FSCN3: variants seen among roughly 807,000 people sequenced by gnomAD.
FSCN3 encodes the protein fascin actin-bundling protein 3, also known as fascin-3.
In FSCN3, 43 loss-of-function variants were observed where a neutral mutation model predicts 53.5. That is an observed-to-expected ratio of 0.80 (90% CI 0.63 to 1.04). The LOEUF is 1.04. Among genes scored for constraint, FSCN3 ranks in the 50% least tolerant of loss-of-function variants. FSCN3 has a pLI of 0.00. For missense variants in FSCN3, 594 were observed against 646.5 expected (o/e 0.92, Z 0.88); for synonymous variants, 235 against 246.6 (o/e 0.95, Z 0.44).
At chr7:127,595,099 G>T in intron 1 of FSCN3, 1 of 602,216 alleles carries the variant, frequency 1.7e-6, no homozygotes, top group Non-Finnish European at 2.9e-6. Flanking sequence ...CTGGCTGCAG[G>T]GGTGGAAGGG....
chr7:127,594,092 G>GTC, intron 1 of FSCN3, 95 bp downstream of exon 1: 4 of 1,383,074 alleles, frequency 2.9e-6, no homozygotes, highest in Non-Finnish European at 4.0e-6. Context: ...GAGTGTATGT[G>GTC]TGTGTGTGTG....
chr7:127,599,328 G>T (rs1294280380), intron 4 of FSCN3, 53 bp from the exon 5 acceptor site: 4 of 1,461,834 alleles, frequency 2.7e-6, no homozygotes, highest in South Asian at 1.2e-5. Context: ...GCTTCCACTT[G>T]GGAAAACACC....
At chr7:127,594,470 A>G (rs965207010) in intron 1 of FSCN3, 1 of 470,810 alleles carries the variant, frequency 2.1e-6, no homozygotes, top group Non-Finnish European at 4.4e-6. Context: ...GTCCTGCTCT[A>G]ACTGTCCCTA....
intron 3 of FSCN3, among the ~76,000 whole-genome samples, chr7:127,597,259 G>A (rs1248494599): frequency 6.6e-6 from 1 of 152,114 alleles, no homozygotes; most frequent in Non-Finnish European, 1.5e-5. Context: ...TTACTAGGTT[G>A]TATAATAGAT....
intron 1 of FSCN3, chr7:127,594,353 C>G: frequency 2.4e-6 from 1 of 421,350 alleles, no homozygotes; most frequent in Non-Finnish European, 4.8e-6. Flanking sequence ...CAGTGCCAGG[C>G]CTGAGACTTT....
At chr7:127,595,064 A>G in intron 1 of FSCN3, 1 of 589,240 alleles carries the variant, frequency 1.7e-6, no homozygotes. Context: ...GTAGACATCT[A>G]GAACTTCTCT....
intron 1 of FSCN3, chr7:127,595,036 T>C (rs1455810789): frequency 5.3e-6 from 3 of 565,386 alleles, no homozygotes; most frequent in Middle Eastern, 4.7e-4. Flanking sequence ...AGGGTTTACC[T>C]TCTGTTAGCT....
At position 127,593,832 on chromosome 7, in the gene FSCN3, CAT is replaced by C. The variant is rs756872931; in HGVS notation, c.-21_-20del. The C allele has an allele frequency of 1.9e-6, 3 of 1,556,708 alleles. No homozygotes were observed. The highest frequency in any genetic ancestry group is 2.6e-6 in the Non-Finnish European group (3 of 1,149,812). On this transcript the variant is annotated 5_prime_UTR_variant, in exon 1 of 7. Coordinates refer to ENST00000265825, the MANE Select transcript of FSCN3 (RefSeq NM_020369.3). The stretch of plus-strand genomic sequence containing the variant: ...GGGGGAGGGCTGGGCCAGACGGAGA[CAT>C]CACCTGTGGTGTCAGCCCCATGGAT...
chr7:127,600,119 A>G (rs1423119496), intron 5 of FSCN3, 75 bp from the exon 6 acceptor site: 62 of 812,818 alleles, frequency 7.6e-5, no homozygotes, highest in South Asian at 6.4e-4. Flanking sequence ...ATGCCTCCAC[A>G]GAGTCCCTCC....
At position 127,600,206 on chromosome 7, in the gene FSCN3, C is replaced by G. The variant is rs944960943; in HGVS notation, c.1304C>G (p.Ser435Cys). 5.0e-6 allele frequency: 8 copies of G among 1,595,784 alleles called. No individual in the cohort carries two copies. The highest frequency in any genetic ancestry group is 1.1e-5 in the South Asian group (1 of 90,712). ...GIYHFQAQGG[S>C]FWSITSFGTF... is the part of the protein sequence containing the mutation. Reference sequence around the variant, plus strand: ...CTTCCTTCTCCAGCACAGGGGGGATCCTTCTGGTCAATAACATCCTTTGGC... The same window carrying G: ...CTTCCTTCTCCAGCACAGGGGGGATGCTTCTGGTCAATAACATCCTTTGGC... The change falls in exon 6 of 7, where the codon TCC becomes TGC. Residue 435 changes from serine to cysteine, a missense_variant. Ser to Cys is a moderately radical substitution (Grantham distance 112). Transcript: ENST00000265825.
At chr7:127,597,298 G>C (rs1246673264) in intron 3 of FSCN3, among the ~76,000 whole-genome samples, 1 of 152,154 alleles carries the variant, frequency 6.6e-6, no homozygotes, top group Non-Finnish European at 1.5e-5. Context: ...GAAAGTGTCA[G>C]TTTTCTAAAG....
intron 2 of FSCN3, 88 bp from the exon 3 acceptor site, chr7:127,596,240 G>A: frequency 2.6e-6 from 4 of 1,537,480 alleles, no homozygotes; most frequent in Non-Finnish European, 3.5e-6. Flanking sequence ...GAAGTTTGAG[G>A]AGGGAGGGAC....
rs755441896 is a variant in FSCN3 at position 127,595,727 on chromosome 7, T to C, written c.565T>C (p.Tyr189His). Residue 189 changes from tyrosine (Y) to histidine (H), a missense_variant, in exon 2 of 7, where the codon TAC (tyrosine) becomes CAC (histidine). Tyr to His is a moderately conservative substitution (Grantham distance 83, BLOSUM62 2). Transcript: ENST00000265825. ...CCTGTTGCATTTCCGAGATGGATGC[T>C]ACCACCTGGAGACCTCTACACACCA... ...GFLLHFRDGC[Y>H]HLETSTHHFL... The C allele has an allele frequency of 2.5e-5, 40 of 1,613,464 alleles. No individual in the cohort carries two copies. Among genetic ancestry groups the C allele is most frequent in the Non-Finnish European group, 3.3e-5 (39 of 1,179,752 alleles).
chr7:127,593,827 G>T lies in FSCN3; in HGVS notation c.-27G>T. ...CACGGGGGGGAGGGCTGGGCCAGACGGAGACATCACCTGTGGTGTCAGCCC... is the reference window on the plus strand; with the variant it reads ...CACGGGGGGGAGGGCTGGGCCAGACTGAGACATCACCTGTGGTGTCAGCCC... On this transcript the variant is annotated 5_prime_UTR_variant, in exon 1 of 7. Transcript: ENST00000265825. 6.4e-7 allele frequency: 1 copy of T among 1,555,166 alleles called. No homozygotes were observed. The highest frequency in any genetic ancestry group is 8.7e-7 in the Non-Finnish European group (1 of 1,148,874).
At position 127,596,399 on chromosome 7, in the gene FSCN3, A is replaced by T. The variant is rs1359942565; in HGVS notation, c.913A>T (p.Ser305Cys). 1 of 1,609,062 alleles carries T rather than the reference A, an allele frequency of 6.2e-7. No individual in the cohort carries two copies. The highest frequency in any genetic ancestry group is 1.7e-5 in the Admixed American group (1 of 60,014). The change falls in exon 3 of 7, where the codon AGC becomes TGC. Residue 305 changes from serine to cysteine, a missense_variant. Ser to Cys is a moderately radical substitution (Grantham distance 112). Transcript: ENST00000265825. ...GTTCCAGTTTGAATGTGACAGTGAG[A>T]GCCCCACTGTGCAGCTTCGTTCAGC... ...SLFQFECDSE[S>C]PTVQLRSANG...
chr7:127,596,835 A>C (rs2117429273), intron 3 of FSCN3, among the ~76,000 whole-genome samples: 2 of 152,328 alleles, frequency 1.3e-5, no homozygotes, highest in South Asian at 4.1e-4. Flanking sequence ...CCAACACCAC[A>C]AACTTTCCTC....
intron 5 of FSCN3, 116 bp downstream of exon 5, chr7:127,599,667 C>T: frequency 1.1e-6 from 1 of 945,110 alleles, no homozygotes; most frequent in Non-Finnish European, 1.6e-6. Flanking sequence ...AAAAACAGGC[C>T]AGGCGCAGTG....
chr7:127,600,915 G>A (rs759336146), intron 6 of FSCN3, among the ~76,000 whole-genome samples: 6 of 152,072 alleles, frequency 3.9e-5, no homozygotes, highest in South Asian at 2.1e-4. Context: ...ACTTGACTTC[G>A]TCCTGCCAGT....
chr7:127,599,989 C>T (rs978230498), intron 5 of FSCN3, among the ~76,000 whole-genome samples: 2 of 151,758 alleles, frequency 1.3e-5, no homozygotes, highest in African/African-American at 4.8e-5. Context: ...TGTTTTCACA[C>T]TTCAAAGCCC....
Sources: gnomAD v4.1 joint callset for allele counts (sites outside exome capture counted in the v4.1 genomes callset) on GRCh38, gnomAD v4.1.1 for gene constraint, MANE v1.5 for transcripts, NCBI Gene and HGNC (gene_info 2026-07-23, HGNC 2026-07-21) for gene names.